Variants in ZNF560 observed in about 807,000 individuals in gnomAD.
ZNF560 encodes the protein zinc finger protein 560.
In ZNF560, 54 loss-of-function variants were observed where a neutral mutation model predicts 81.8. That is an observed-to-expected ratio of 0.66 (90% CI 0.53 to 0.83). The LOEUF (loss-of-function observed/expected upper bound fraction) is 0.83. Ranked by LOEUF, ZNF560 falls within the 40% of genes least tolerant of loss-of-function variation. The pLI, the probability that ZNF560 is intolerant of heterozygous loss-of-function variation, is 0.00. For synonymous variants in ZNF560, 321 were observed against 317.9 expected (o/e 1.01, Z -0.10); for missense variants, 940 against 932.4 (o/e 1.01, Z -0.11).
intron 4 of ZNF560, among the ~76,000 whole-genome samples, chr19:9,473,616 A>C (rs1180328380): frequency 6.6e-6 from 1 of 152,126 alleles, no homozygotes; most frequent in Non-Finnish European, 1.5e-5. Context: ...CATGCAAGAG[A>C]TGATAAACTT....
chr19:9,492,360 TGCCAGAA>T (rs2073486867), intron 2 of ZNF560, among the ~76,000 whole-genome samples: 4 of 152,188 alleles, frequency 2.6e-5, no homozygotes, highest in Non-Finnish European at 5.9e-5. Flanking sequence ...GATATGGATT[TGCCAGAA>T]GCCTAACTAG....
intron 9 of ZNF560, among the ~76,000 whole-genome samples, chr19:9,468,769 C>T (rs2073075895): frequency 6.7e-6 from 1 of 149,550 alleles, no homozygotes; most frequent in Non-Finnish European, 1.5e-5. Context: ...GCTCTGTTGC[C>T]CAGGCTGTAG....
chr19:9,476,725 C>A (rs2073208376), intron 2 of ZNF560, among the ~76,000 whole-genome samples: 1 of 152,174 alleles, frequency 6.6e-6, no homozygotes, highest in Non-Finnish European at 1.5e-5. Flanking sequence ...TGTTAAGTTT[C>A]CTGAGGCCTC....
Position 9,469,682 on chromosome 19 carries a change from G to T in ZNF560, c.477C>A (p.Ile159=), listed in dbSNP as rs2073092334. The change falls in exon 8 of 10, where the codon ATC becomes ATA. Residue 159 remains isoleucine, a synonymous_variant. Transcript: ENST00000301480. ...ACTCTTCCTCTTCCTCCAGCCAAGA[G>T]ATCAGACTGGGTTTGAAGAGCTGGT... ...VGYQLFKPSL[I]SWLEEEEELS... is the part of the protein sequence containing the mutation. 7 of 1,614,076 alleles carry T rather than the reference G, an allele frequency of 4.3e-6. No homozygotes were observed. Among genetic ancestry groups the T allele is most frequent in the Non-Finnish European group, 5.9e-6 (7 of 1,180,042 alleles).
At chr19:9,460,220 G>T in the ZNF560 span, among the ~76,000 whole-genome samples, 1 of 152,154 alleles carries the variant, frequency 6.6e-6, no homozygotes, top group Non-Finnish European at 1.5e-5. Context: ...TTGATGCTGA[G>T]GATGACCCCC....
intron 2 of ZNF560, among the ~76,000 whole-genome samples, chr19:9,475,814 C>T (rs2073192816): frequency 2.0e-5 from 3 of 151,908 alleles, no homozygotes; most frequent in Admixed American, 6.6e-5. Context: ...CACCGTGTTA[C>T]CCAGGATGTT....
At chr19:9,500,150 G>A (rs143226104), upstream of ZNF560, among the ~76,000 whole-genome samples, 15,923 of 152,046 alleles carry the variant, frequency 0.1, 986 homozygotes, top group South Asian at 0.2. Flanking sequence ...TTGGGAGGCC[G>A]AGGTGGGTGG....
chr19:9,454,355 G>T, the ZNF560 span, among the ~76,000 whole-genome samples: 2 of 152,162 alleles, frequency 1.3e-5, no homozygotes, highest in Admixed American at 1.3e-4. Context: ...CTCTAGCACC[G>T]CTGGGTTGAG....
the ZNF560 span, among the ~76,000 whole-genome samples, chr19:9,504,658 T>C: frequency 0.15 from 23,261 of 152,228 alleles, 2,604 homozygotes; most frequent in African/African-American, 0.31. Flanking sequence ...AAGTGTCATA[T>C]ATAACTCTCC....
chr19:9,456,435 T>C, the ZNF560 span, among the ~76,000 whole-genome samples: 1 of 152,170 alleles, frequency 6.6e-6, no homozygotes, highest in Non-Finnish European at 1.5e-5. Context: ...AGCTTCTGAT[T>C]TTACCGTATG....
chr19:9,494,790 C>T (rs1351709168), intron 2 of ZNF560, among the ~76,000 whole-genome samples: 1 of 152,038 alleles, frequency 6.6e-6, no homozygotes, highest in Non-Finnish European at 1.5e-5. Flanking sequence ...GCCTGTAATC[C>T]CAGCTACTCA....
the ZNF560 span, among the ~76,000 whole-genome samples, chr19:9,447,003 G>T: frequency 1.3e-5 from 2 of 151,886 alleles, no homozygotes; most frequent in Non-Finnish European, 2.9e-5. Flanking sequence ...GCATGGTGGC[G>T]CGTGCCTATA....
downstream of ZNF560, among the ~76,000 whole-genome samples, chr19:9,465,739 T>C (rs1489579479): frequency 1.3e-5 from 2 of 152,218 alleles, no homozygotes; most frequent in African/African-American, 4.8e-5. Flanking sequence ...ACACCTGTAA[T>C]TCTACCACTT....
chr19:9,461,734 C>T (rs113875641), downstream of ZNF560, among the ~76,000 whole-genome samples: 2,950 of 152,260 alleles, frequency 0.019, 101 homozygotes, highest in African/African-American at 0.067. Flanking sequence ...ATACTTCTGA[C>T]TTTTGTATCA....
chr19:9,465,126 T>C (rs1170601931), downstream of ZNF560, among the ~76,000 whole-genome samples: 1 of 144,886 alleles, frequency 6.9e-6, no homozygotes. Context: ...GTGAAAGCTA[T>C]TGATTTTTTT....
intron 5 of ZNF560, among the ~76,000 whole-genome samples, chr19:9,471,582 T>G (rs559493265): frequency 6.6e-6 from 1 of 152,152 alleles, no homozygotes. Context: ...TGCTACAAAT[T>G]GACTCATTTA....
At chr19:9,491,034 C>G (rs573425424) in intron 2 of ZNF560, among the ~76,000 whole-genome samples, 1 of 152,182 alleles carries the variant, frequency 6.6e-6, no homozygotes, top group Non-Finnish European at 1.5e-5. Context: ...GAACAGGAAA[C>G]AGTAAATAGT....
rs148887048 is a variant in ZNF560 at position 9,467,442 on chromosome 19, G to T, written c.1505C>A (p.Ser502Tyr). ...QCGKVFVSFS[S>Y]LFAHLRTHTG... ...GTGAGTTCTCAAATGAGCAAAAAGAGATGAGAAAGAAACAAAGACTTTCCC... is the reference window on the plus strand; with the variant it reads ...GTGAGTTCTCAAATGAGCAAAAAGATATGAGAAAGAAACAAAGACTTTCCC... Residue 502 changes from serine (S) to tyrosine (Y), a missense_variant, in exon 10 of 10, where the codon TCT becomes TAT. Ser to Tyr is a moderately radical substitution (Grantham distance 144). Coordinates refer to ENST00000301480, the MANE Select transcript of ZNF560 (RefSeq NM_152476.3). The T allele has an allele frequency of 9.3e-6, 15 of 1,613,760 alleles. No homozygotes were observed. The East Asian group carries it at 3.1e-4, about 34-fold the overall frequency.
rs1323350363 is a variant in ZNF560, at chr19:9,470,455, G to T, written c.385C>A (p.Pro129Thr). Reference sequence around the variant, plus strand: ...TCACTGTACAGGTTTCTCTGAGCTGGGTCCAGTAAAGTCCACTCTTCCTGG... The same window carrying T: ...TCACTGTACAGGTTTCTCTGAGCTGTGTCCAGTAAAGTCCACTCTTCCTGG... ...FTQEEWTLLDPAQRNLYSDVM... is the reference protein window; with the variant it reads ...FTQEEWTLLDTAQRNLYSDVM... The change falls in exon 7 of 10, where the codon CCA becomes ACA. Residue 129 changes from proline to threonine, a missense_variant. Pro to Thr is a conservative substitution (Grantham distance 38, BLOSUM62 -1). Transcript: ENST00000301480. 1.2e-6 allele frequency: 2 copies of T among 1,614,028 alleles called. No homozygotes were observed. The highest frequency in any genetic ancestry group is 8.5e-7 in the Non-Finnish European group (1 of 1,179,996).
Sources: gnomAD v4.1 joint callset for allele counts (sites outside exome capture counted in the v4.1 genomes callset) on GRCh38, gnomAD v4.1.1 for gene constraint, MANE v1.5 for transcripts, NCBI Gene and HGNC (gene_info 2026-07-23, HGNC 2026-07-21) for gene names.